The following TMEM62 variants were observed in gnomAD, a reference collection of about 807,000 sequenced individuals.
TMEM62 encodes the protein transmembrane protein 62.
Under a neutral mutation model 70.4 loss-of-function variants are expected in TMEM62, and 41 were observed. The observed-to-expected ratio is 0.58, with a 90% CI of 0.45 to 0.76. The LOEUF (loss-of-function observed/expected upper bound fraction) is 0.76. Ranked by LOEUF, TMEM62 falls within the 30% of genes least tolerant of loss-of-function variation. The probability of loss-of-function intolerance (pLI) is 0.00; values close to 1 mark genes in which losing one functional copy is unlikely to be tolerated. For missense variants in TMEM62, 688 were observed against 788.5 expected (o/e 0.87, Z 1.53); for synonymous variants, 268 against 291.0 (o/e 0.92, Z 0.80).
chr15:43,135,553 A>C lies in TMEM62; in HGVS notation c.334A>C (p.Arg112=), dbSNP rs1351044402. 2 of 1,611,284 alleles carry C rather than the reference A, an allele frequency of 1.2e-6. No individual in the cohort carries two copies. Among genetic ancestry groups the C allele is most frequent in the Non-Finnish European group, 1.7e-6 (2 of 1,179,470 alleles). ...DAKTKEQLGS[R]QHEVEWQTYQ... ...CAAAACAAAGGAACAGTTGGGATCCAGGCAGCATGAGGTAGAATGGCAAAC... is the reference window on the plus strand; with the variant it reads ...CAAAACAAAGGAACAGTTGGGATCCCGGCAGCATGAGGTAGAATGGCAAAC... The change falls in exon 3 of 14, where the codon AGG becomes CGG. Residue 112 remains arginine, a synonymous_variant. Coordinates refer to ENST00000260403, the MANE Select transcript of TMEM62 (RefSeq NM_024956.4).
chr15:43,136,977 T>C (rs2035313269), intron 3 of TMEM62, among the ~76,000 whole-genome samples: 1 of 152,118 alleles, frequency 6.6e-6, no homozygotes, highest in Non-Finnish European at 1.5e-5. Flanking sequence ...GATCTCAAAC[T>C]CCTGGGCTCA....
rs200570169 is a variant in TMEM62, at chr15:43,148,975, T to C, written c.744-54T>C. The C allele has an allele frequency of 4.6e-4, 737 of 1,607,636 alleles. 1 individual carries two copies. The highest frequency in any genetic ancestry group is 5.8e-4 in the Non-Finnish European group (683 of 1,176,172). Reference sequence around the variant, plus strand: ...TTTCTGGCAAGACATTTTTATTAGTTTGGCCTCACGCGTTATCTTTGTTCA... The same window carrying C: ...TTTCTGGCAAGACATTTTTATTAGTCTGGCCTCACGCGTTATCTTTGTTCA... On this transcript the variant is annotated intron_variant, in intron 6 of 13. Transcript: ENST00000260403.
rs958995036 is a variant in TMEM62 at position 43,142,228 on chromosome 15, C to A, written c.476+3609C>A. 2.8e-5 allele frequency among the ~76,000 whole-genome samples: 4 copies of A among 142,752 alleles called. No homozygotes were observed. The Admixed American group carries it at 2.9e-4, about 11-fold the overall frequency. The allele number at this position is 142,752 out of a possible 152,430, so 93.7% of individuals were successfully genotyped here. On this transcript the variant is annotated intron_variant, in intron 4 of 13. Transcript: ENST00000260403. ...TCACCCAGGCTGGGGTGCAGTGGTG[C>A]GATCTTGGCTCACTGCAACCTCCGC...
At chr15:43,161,228 T>C (rs1261065844) in intron 10 of TMEM62, among the ~76,000 whole-genome samples, 1 of 152,200 alleles carries the variant, frequency 6.6e-6, no homozygotes. Flanking sequence ...GTTAGTTATT[T>C]GTCTAGAAGA....
intron 9 of TMEM62, among the ~76,000 whole-genome samples, chr15:43,159,963 G>A (rs2038486741): frequency 6.6e-6 from 1 of 151,948 alleles, no homozygotes; most frequent in Admixed American, 6.6e-5. Flanking sequence ...AGAATTATAG[G>A]TTTTAATCTC....
intron 8 of TMEM62, among the ~76,000 whole-genome samples, chr15:43,153,263 T>A (rs2037627494): frequency 6.6e-6 from 1 of 152,160 alleles, no homozygotes; most frequent in African/African-American, 2.4e-5. Context: ...GTAAGCATGA[T>A]TAAACAAAGT....
intron 10 of TMEM62, among the ~76,000 whole-genome samples, chr15:43,162,295 G>A (rs985818807): frequency 3.1e-4 from 46 of 148,040 alleles, no homozygotes; most frequent in Middle Eastern, 3.6e-3. Context: ...CCCCGACCAC[G>A]TCCAGCTTTT....
At chr15:43,149,254 CTT>C in intron 7 of TMEM62, 103 bp downstream of exon 7, 1 of 1,253,956 alleles carries the variant, frequency 8.0e-7, no homozygotes, top group Non-Finnish European at 1.1e-6. Context: ...TAAAGAAAAA[CTT>C]GTGATATTTC....
In TMEM62 at chr15:43,135,525, T is replaced by C. The variant is rs138070718; in HGVS notation, c.306T>C (p.Asp102=). The C allele has an allele frequency of 1.1e-4, 181 of 1,601,850 alleles. No individual in the cohort carries two copies. The African/African-American group carries it at 2.2e-3, about 19-fold the overall frequency. ...GTAAACCTACAGGAGACCTGACAGA[T>C]GCCAAAACAAAGGAACAGTTGGGAT... ...ALVLATGDLT[D]AKTKEQLGSR... Residue 102 remains aspartate (D), a synonymous_variant, in exon 3 of 14, where the codon GAT becomes GAC. Transcript: ENST00000260403.
intron 10 of TMEM62, 131 bp from the exon 11 acceptor site, chr15:43,169,462 C>A: frequency 2.7e-6 from 2 of 748,358 alleles, no homozygotes; most frequent in African/African-American, 1.8e-5. Flanking sequence ...GGGACAAAGA[C>A]CAAAATATGT....
At chr15:43,143,087 G>C (rs780084609) in intron 4 of TMEM62, among the ~76,000 whole-genome samples, 4 of 151,324 alleles carry the variant, frequency 2.6e-5, no homozygotes, top group Non-Finnish European at 4.4e-5. Context: ...TTTGAGACAG[G>C]ATCTTGCTCT....
intron 8 of TMEM62, among the ~76,000 whole-genome samples, chr15:43,153,723 C>A (rs1006192646): frequency 6.6e-6 from 1 of 151,546 alleles, no homozygotes; most frequent in Non-Finnish European, 1.5e-5. Flanking sequence ...TACACACATA[C>A]CACATTTTGT....
At chr15:43,171,689 G>A (rs2040217292) in intron 11 of TMEM62, among the ~76,000 whole-genome samples, 5 of 146,586 alleles carry the variant, frequency 3.4e-5, no homozygotes, top group South Asian at 2.1e-4. Flanking sequence ...GTGCAGTGGC[G>A]CAATCTCAGC....
rs550048163 is a variant in TMEM62, at chr15:43,134,284, C to G, written c.208C>G (p.Arg70Gly). The G allele has an allele frequency of 8.7e-6, 14 of 1,614,080 alleles. No homozygotes were observed. The highest frequency in any genetic ancestry group is 1.7e-5 in the Admixed American group (1 of 60,008). Reference sequence around the variant, plus strand: ...ATCCGACATTCACCTGAGCAGGTTTCGAGATCCAGGCAGAGCGGTAGACTT... The same window carrying G: ...ATCCGACATTCACCTGAGCAGGTTTGGAGATCCAGGCAGAGCGGTAGACTT... ...QISDIHLSRF[R>G]DPGRAVDLEK... Residue 70 changes from arginine (R) to glycine (G), a missense_variant, in exon 2 of 14, where the codon CGA (arginine) becomes GGA (glycine). Physicochemically the swap from Arg to Gly is moderately radical, Grantham distance 125. Transcript: ENST00000260403.
chr15:43,151,659 C>A, intron 7 of TMEM62, 131 bp from the exon 8 acceptor site: 1 of 770,212 alleles, frequency 1.3e-6, no homozygotes, highest in East Asian at 2.7e-5. Context: ...GAAAATATTA[C>A]TTAATCTGTA....
rs573977902 is a variant in TMEM62, at chr15:43,148,935, G to C, written c.743+56G>C. On this transcript the variant is annotated intron_variant, in intron 6 of 13. Coordinates refer to ENST00000260403, the MANE Select transcript of TMEM62 (RefSeq NM_024956.4). ...TTGTTTTTAGTTTTTTTATTTTGCT[G>C]TTACCTATTCTGCTTTTCTGGCAAG... 11 of 1,603,994 alleles carry C rather than the reference G, an allele frequency of 6.9e-6. No homozygotes were observed. The African/African-American group carries it at 1.2e-4, about 18-fold the overall frequency.
At position 43,169,665 on chromosome 15, in the gene TMEM62, C is replaced by G; in HGVS notation, c.1369C>G (p.Pro457Ala). ...CATTATTTTTAGATATCGAGGATAC[C>G]CAGAGCTTAAAGGTTAGTTATGGTT... ...ILIIFRYRGYPELKEPSGFIN... is the reference protein window; with the variant it reads ...ILIIFRYRGYAELKEPSGFIN... Residue 457 changes from proline to alanine, a missense_variant, in exon 11 of 14, where the codon CCA becomes GCA. Transcript: ENST00000260403. The G allele has an allele frequency of 6.2e-7, 1 of 1,613,742 alleles. No individual in the cohort carries two copies. Among genetic ancestry groups the G allele is most frequent in the South Asian group, 1.1e-5 (1 of 91,068 alleles).
chr15:43,159,307 T>TGTGCTATCAACAGTA (rs1337191745), intron 9 of TMEM62, among the ~76,000 whole-genome samples: 2 of 152,258 alleles, frequency 1.3e-5, no homozygotes, highest in African/African-American at 2.4e-5. Context: ...GTCACTCTGT[T>TGTGCTATCAACAGTA]GTGCTATCAA....
rs1439098143 is a variant in TMEM62, at chr15:43,133,999, C to T, written c.180+17C>T. On this transcript the variant is annotated intron_variant, in intron 1 of 13. Coordinates refer to ENST00000260403, the MANE Select transcript of TMEM62 (RefSeq NM_024956.4). ...GGCCTGCAGGTGACGCGGCGGGAAG[C>T]CGGGCCGGGAGGCAGGTGCAGATCG... 7.0e-7 allele frequency: 1 copy of T among 1,436,540 alleles called. No homozygotes were observed. The highest frequency in any genetic ancestry group is 1.4e-5 in the African/African-American group (1 of 69,276). 89.0% of individuals were successfully genotyped at this position (1,436,540 alleles called of 1,614,324 possible).
Sources: gnomAD v4.1 joint callset for allele counts (sites outside exome capture counted in the v4.1 genomes callset) on GRCh38, gnomAD v4.1.1 for gene constraint, MANE v1.5 for transcripts, NCBI Gene and HGNC (gene_info 2026-07-23, HGNC 2026-07-21) for gene names.